The following PPARGC1A variants were observed in gnomAD, a reference collection of about 807,000 sequenced individuals.
PPARGC1A encodes peroxisome proliferator-activated receptor gamma coactivator 1-alpha.
PPARGC1A carries 25 observed loss-of-function variants against 88.7 expected under a neutral mutation model. That is an observed-to-expected ratio of 0.28 (90% CI 0.21 to 0.39). PPARGC1A has a LOEUF of 0.39. Ranked by LOEUF, PPARGC1A falls within the 10% of genes least tolerant of loss-of-function variation. The pLI, the probability that PPARGC1A is intolerant of heterozygous loss-of-function variation, is 1.00. For missense variants in PPARGC1A, 880 were observed against 968.7 expected (o/e 0.91, Z 1.22); for synonymous variants, 363 against 355.6 (o/e 1.02, Z -0.24).
chr4:24,395,484 C>A, the PPARGC1A span, among the ~76,000 whole-genome samples: 2 of 152,290 alleles, frequency 1.3e-5, no homozygotes, highest in South Asian at 2.1e-4. Flanking sequence ...GGTCAATGTA[C>A]AACCCCAGAT....
At chr4:24,153,808 G>A in the PPARGC1A span, among the ~76,000 whole-genome samples, 108 of 152,250 alleles carry the variant, frequency 7.1e-4, no homozygotes, top group African/African-American at 2.6e-3. Flanking sequence ...ATCACTGCAA[G>A]TTGGAAACAA....
the PPARGC1A span, among the ~76,000 whole-genome samples, chr4:24,126,540 T>A: frequency 6.6e-6 from 1 of 151,970 alleles, no homozygotes; most frequent in Admixed American, 6.6e-5. Context: ...GATATATGAG[T>A]CTCAGAGAGA....
the PPARGC1A span, among the ~76,000 whole-genome samples, chr4:23,927,196 A>G: frequency 6.6e-6 from 1 of 152,328 alleles, no homozygotes; most frequent in Admixed American, 6.5e-5. Flanking sequence ...TTTATTGAAT[A>G]CTGTACTGAA....
intron 2 of PPARGC1A, among the ~76,000 whole-genome samples, chr4:23,853,078 G>GAATTTTTTT (rs1325850418): frequency 6.6e-6 from 1 of 152,124 alleles, no homozygotes; most frequent in African/African-American, 2.4e-5. Flanking sequence ...ATTTGTAAAA[G>GAATTTTTTT]AATTTTTTTA....
At chr4:24,159,115 G>A in the PPARGC1A span, among the ~76,000 whole-genome samples, 1 of 148,822 alleles carries the variant, frequency 6.7e-6, no homozygotes, top group African/African-American at 2.5e-5. Context: ...TATAAATGTT[G>A]TCTTATTTGT....
Position 23,792,771 on chromosome 4 carries a change from GA to G in PPARGC1A, c.*3050del, listed in dbSNP as rs1716866919. The G allele has an allele frequency of 2.6e-5, 4 of 152,508 alleles. No individual in the cohort carries two copies. Among genetic ancestry groups the G allele is most frequent in the Admixed American group, 6.6e-5 (1 of 15,226 alleles). The allele number at this position is 152,508 out of a possible 1,614,324, so 9.4% of individuals were successfully genotyped here. A position where few individuals can be genotyped will look rare whatever the true frequency, so the allele number is the denominator to read the frequency against. On this transcript the variant is annotated 3_prime_UTR_variant, in exon 13 of 13. Coordinates refer to ENST00000264867, the MANE Select transcript of PPARGC1A (RefSeq NM_013261.5). ...GATGATGGGGTGCACGTGTTCATTT[GA>G]AATATTCTCTCCCAAAAAAATAAAA... is the stretch of plus-strand genomic sequence containing the variant.
chr4:24,450,599 T>TG, the PPARGC1A span, among the ~76,000 whole-genome samples: 67 of 152,040 alleles, frequency 4.4e-4, no homozygotes, highest in Non-Finnish European at 7.8e-4. Flanking sequence ...AAAAAAAAGG[T>TG]GGGGGGATCT....
the PPARGC1A span, among the ~76,000 whole-genome samples, chr4:23,994,845 T>C: frequency 1.3e-5 from 2 of 152,102 alleles, no homozygotes; most frequent in African/African-American, 4.8e-5. Flanking sequence ...TTGCAACATA[T>C]ATAGAAGATG....
chr4:24,431,201 T>A, the PPARGC1A span, among the ~76,000 whole-genome samples: 1 of 150,768 alleles, frequency 6.6e-6, no homozygotes, highest in Admixed American at 6.6e-5. Context: ...GGCCATTAAG[T>A]CACAGAATTG....
chr4:24,455,761 C>T, the PPARGC1A span, among the ~76,000 whole-genome samples: 2 of 152,210 alleles, frequency 1.3e-5, no homozygotes, highest in Admixed American at 6.5e-5. Flanking sequence ...TGCTCTCATG[C>T]GTTCCTGCCC....
upstream of PPARGC1A, among the ~76,000 whole-genome samples, chr4:23,893,009 C>T (rs761821808): frequency 2.6e-4 from 39 of 152,080 alleles, no homozygotes; most frequent in Non-Finnish European, 4.4e-4. Context: ...TTTTTCTCAA[C>T]AATAGAAAGA....
the PPARGC1A span, among the ~76,000 whole-genome samples, chr4:24,389,850 T>C: frequency 6.6e-6 from 1 of 152,098 alleles, no homozygotes; most frequent in Non-Finnish European, 1.5e-5. Flanking sequence ...CTATAGAGAT[T>C]TTAGCTAAGG....
the PPARGC1A span, among the ~76,000 whole-genome samples, chr4:23,926,916 A>G: frequency 6.6e-6 from 1 of 152,192 alleles, no homozygotes; most frequent in South Asian, 2.1e-4. Context: ...TTATTCATAT[A>G]TATCTTCCAT....
At chr4:24,094,195 A>T in the PPARGC1A span, among the ~76,000 whole-genome samples, 2,795 of 152,292 alleles carry the variant, frequency 0.018, 84 homozygotes, top group African/African-American at 0.057. Context: ...TGCCTTGGAC[A>T]GTCACCTGGA....
At chr4:23,852,369 T>C (rs1181637823) in intron 2 of PPARGC1A, among the ~76,000 whole-genome samples, 1 of 152,178 alleles carries the variant, frequency 6.6e-6, no homozygotes, top group East Asian at 1.9e-4. Context: ...AGCTGGGATT[T>C]GAGGAGGAGC....
At chr4:24,276,991 C>G in the PPARGC1A span, among the ~76,000 whole-genome samples, 1 of 152,186 alleles carries the variant, frequency 6.6e-6, no homozygotes, top group South Asian at 2.1e-4. Flanking sequence ...CAAATTCAGG[C>G]TCCTAAGGTG....
the PPARGC1A span, among the ~76,000 whole-genome samples, chr4:23,916,283 T>A: frequency 6.6e-6 from 1 of 152,228 alleles, no homozygotes; most frequent in Non-Finnish European, 1.5e-5. Context: ...TATGTGATAA[T>A]GTGCTTAGGT....
In PPARGC1A at chr4:23,793,620, A is replaced by T. The variant is rs992733653; in HGVS notation, c.*2202T>A. On this transcript the variant is annotated 3_prime_UTR_variant, in exon 13 of 13. Coordinates refer to ENST00000264867, the MANE Select transcript of PPARGC1A (RefSeq NM_013261.5). ...GTCAGCCAAACAGTAATCGAATCTC[A>T]ATTTAGAAACTTGAATACACACTCC... 3 of 152,186 alleles carry T rather than the reference A, an allele frequency of 2.0e-5. No homozygotes were observed. Among genetic ancestry groups the T allele is most frequent in the Admixed American group, 1.3e-4 (2 of 15,242 alleles). The allele number at this position is 152,186 out of a possible 1,614,324, so 9.4% of individuals were successfully genotyped here.
At chr4:24,079,216 T>C in the PPARGC1A span, among the ~76,000 whole-genome samples, 2 of 152,078 alleles carry the variant, frequency 1.3e-5, no homozygotes, top group Non-Finnish European at 2.9e-5. Flanking sequence ...ACCTAATTGA[T>C]TTCCAGAAAG....
Sources: allele counts gnomAD v4.1 joint callset (sites outside exome capture counted in the v4.1 genomes callset), GRCh38; gene constraint gnomAD v4.1.1; transcripts MANE v1.5; gene names NCBI Gene and HGNC (gene_info 2026-07-23, HGNC 2026-07-21).